CD84: variants seen among roughly 807,000 people sequenced by gnomAD.
The protein encoded by CD84 is SLAM family member 5.
In CD84, 22 loss-of-function variants were observed where a neutral mutation model predicts 33.8. The observed-to-expected ratio is 0.65, with a 90% CI of 0.46 to 0.93. The LOEUF (loss-of-function observed/expected upper bound fraction) is 0.93, where lower values mean the gene tolerates loss of function less well. Among genes scored for constraint, CD84 ranks in the 40% least tolerant of loss-of-function variants. The probability of loss-of-function intolerance (pLI) is 0.00; values close to 1 mark genes in which losing one functional copy is unlikely to be tolerated. For missense variants in CD84, 400 were observed against 397.6 expected, an observed-to-expected ratio of 1.01 and a Z score of -0.05; for synonymous variants, 154 against 145.2, an observed-to-expected ratio of 1.06 and a Z score of -0.44.
chr1:160,549,261 T>C (rs1213892046), intron 6 of CD84, among the ~76,000 whole-genome samples: 1 of 152,180 alleles, frequency 6.6e-6, no homozygotes, highest in Non-Finnish European at 1.5e-5. Flanking sequence ...GTAACTCAGC[T>C]ATTAAACAGG....
intron 2 of CD84, among the ~76,000 whole-genome samples, chr1:160,559,383 G>A (rs1405488208): frequency 2.6e-5 from 4 of 152,110 alleles, no homozygotes; most frequent in Non-Finnish European, 5.9e-5. Context: ...GCCAAACTAA[G>A]CTTCATAAGT....
intron 2 of CD84, among the ~76,000 whole-genome samples, chr1:160,558,699 A>G (rs923192551): frequency 2.0e-5 from 3 of 152,208 alleles, no homozygotes; most frequent in Admixed American, 6.5e-5. Context: ...GCTGAGCTAA[A>G]GGAGCATGTT....
intron 6 of CD84, among the ~76,000 whole-genome samples, chr1:160,549,257 C>T (rs1656024953): frequency 6.6e-6 from 1 of 152,162 alleles, no homozygotes; most frequent in Admixed American, 6.5e-5. Context: ...CTTGGTAACT[C>T]AGCTATTAAA....
intron 2 of CD84, 64 bp downstream of exon 2, chr1:160,565,340 G>T (rs923067470): frequency 7.9e-7 from 1 of 1,262,214 alleles, no homozygotes; most frequent in Non-Finnish European, 1.1e-6. Context: ...ATGTAGATGT[G>T]TTTCAGATAG....
At chr1:160,551,742 A>G (rs1656243365) in intron 4 of CD84, among the ~76,000 whole-genome samples, 1 of 152,132 alleles carries the variant, frequency 6.6e-6, no homozygotes, top group Non-Finnish European at 1.5e-5. Flanking sequence ...ACAGGGTTTC[A>G]CCATGTTGCC....
intron 1 of CD84, among the ~76,000 whole-genome samples, chr1:160,575,494 A>AACAC (rs3078967): frequency 0.039 from 5,693 of 146,742 alleles, 141 homozygotes; most frequent in East Asian, 0.087. Flanking sequence ...GTTCCTTCAA[A>AACAC]ACACACACAC....
rs182300039 is a variant in CD84, at chr1:160,558,463, C to G, written c.389-4317G>C. Among the ~76,000 whole-genome samples the G allele has an allele frequency of 2.1e-3, 322 of 152,232 alleles. 1 individual carries two copies. Among genetic ancestry groups the G allele is most frequent in the Middle Eastern group, 6.8e-3 (2 of 294 alleles). On this transcript the variant is annotated intron_variant, in intron 2 of 6. Transcript: ENST00000368054. ...ACAACAGCATCAACAAAAAAGACCT[C>G]AGAAAAACCCCATTGGAAGGTCAGT... is the stretch of plus-strand genomic sequence containing the variant.
chr1:160,572,897 AG>A (rs1217227960), intron 1 of CD84, among the ~76,000 whole-genome samples: 11 of 152,178 alleles, frequency 7.2e-5, no homozygotes, highest in Admixed American at 7.2e-4. Flanking sequence ...CTCAGGGAGC[AG>A]GATGACCAGT....
chr1:160,577,155 G>T (rs1457744654), intron 1 of CD84, among the ~76,000 whole-genome samples: 1 of 152,172 alleles, frequency 6.6e-6, no homozygotes, highest in Non-Finnish European at 1.5e-5. Context: ...ACATGGAACA[G>T]TCATAAGTTT....
intron 5 of CD84, chr1:160,550,706 C>A (rs1182616458): frequency 1.0e-6 from 1 of 985,360 alleles, no homozygotes; most frequent in Non-Finnish European, 1.2e-6. Context: ...CACTGTGGGA[C>A]ACTCAGTGCC....
intron 1 of CD84, among the ~76,000 whole-genome samples, chr1:160,574,014 G>A (rs1254241873): frequency 2.0e-5 from 3 of 151,908 alleles, no homozygotes; most frequent in Non-Finnish European, 4.4e-5. Context: ...GATCACTTGA[G>A]CCTGGGAAGT....
At chr1:160,578,337 T>C (rs1658095597) in intron 1 of CD84, among the ~76,000 whole-genome samples, 1 of 152,172 alleles carries the variant, frequency 6.6e-6, no homozygotes, top group Non-Finnish European at 1.5e-5. Flanking sequence ...CCTCATCTAC[T>C]TGCATTTTCT....
At chr1:160,550,708 C>G in intron 5 of CD84, 1 of 985,380 alleles carries the variant, frequency 1.0e-6, no homozygotes, top group Non-Finnish European at 1.2e-6. Context: ...CTGTGGGACA[C>G]TCAGTGCCTC....
chr1:160,554,414 C>A (rs1373209427), intron 2 of CD84, among the ~76,000 whole-genome samples: 1 of 152,158 alleles, frequency 6.6e-6, no homozygotes, highest in African/African-American at 2.4e-5. Flanking sequence ...GAGTATCTGT[C>A]TTTCTAATTC....
rs1172555877 is a variant in CD84 at position 160,542,885 on chromosome 1, G to C, written c.*5371C>G. On this transcript the variant is annotated 3_prime_UTR_variant, in exon 7 of 7. Coordinates refer to ENST00000368054, the MANE Select transcript of CD84 (RefSeq NM_003874.4). Reference sequence around the variant, plus strand: ...TTACTGGACCCCTCACACTTGGATGGGGGCTTATTTAAGTCTAAACATGCA... The same window carrying C: ...TTACTGGACCCCTCACACTTGGATGCGGGCTTATTTAAGTCTAAACATGCA... The C allele has an allele frequency of 6.6e-6, 1 of 152,034 alleles. No individual in the cohort carries two copies. The highest frequency in any genetic ancestry group is 2.4e-5 in the African/African-American group (1 of 41,366). 9.4% of individuals were successfully genotyped at this position (152,034 alleles called of 1,614,324 possible).
intron 6 of CD84, 100 bp from the exon 7 acceptor site, chr1:160,548,421 GAA>G: frequency 5.8e-6 from 7 of 1,203,468 alleles, no homozygotes; most frequent in African/African-American, 4.5e-5. Flanking sequence ...TGGCACGGGG[GAA>G]TGCCTTAGAT....
At chr1:160,573,207 T>C (rs1331570919) in intron 1 of CD84, among the ~76,000 whole-genome samples, 2 of 152,068 alleles carry the variant, frequency 1.3e-5, no homozygotes, top group Admixed American at 6.6e-5. Flanking sequence ...GTATAAAGAT[T>C]GTTGAGGTAT....
At chr1:160,564,193 C>T (rs1033011346) in intron 2 of CD84, among the ~76,000 whole-genome samples, 2 of 152,118 alleles carry the variant, frequency 1.3e-5, no homozygotes, top group African/African-American at 4.8e-5. Context: ...TTCAAAAGCA[C>T]TTTGCATTAA....
At chr1:160,551,808 G>A (rs990009185) in intron 4 of CD84, among the ~76,000 whole-genome samples, 5 of 152,198 alleles carry the variant, frequency 3.3e-5, no homozygotes, top group Non-Finnish European at 4.4e-5. Context: ...ATCTCCCAAA[G>A]CGCTGGGATT....
Sources: allele counts gnomAD v4.1 joint callset (sites outside exome capture counted in the v4.1 genomes callset), GRCh38; gene constraint gnomAD v4.1.1; transcripts MANE v1.5; gene names NCBI Gene and HGNC (gene_info 2026-07-23, HGNC 2026-07-21).